PPP2R3B: variants seen among roughly 807,000 people sequenced by gnomAD.
PPP2R3B encodes serine/threonine-protein phosphatase 2A regulatory subunit B'' subunit beta.
PPP2R3B carries 68 observed loss-of-function variants against 72.9 expected under a neutral mutation model. That is an observed-to-expected ratio of 0.93 (90% CI 0.77 to 1.14). The LOEUF (loss-of-function observed/expected upper bound fraction) is 1.14, where lower values mean the gene tolerates loss of function less well. Among genes scored for constraint, PPP2R3B ranks in the 50% most tolerant of loss-of-function variants. The pLI is 0.00. For synonymous variants in PPP2R3B, 466 were observed against 375.8 expected (o/e 1.24, Z -2.78); for missense variants, 1,018 against 842.0 (o/e 1.21, Z -2.59).
chrX:346,126 A>T, intron 6 of PPP2R3B, 48 bp downstream of exon 6: 3 of 1,045,500 alleles, frequency 2.9e-6, no homozygotes, highest in Non-Finnish European at 3.7e-6. Flanking sequence ...TGGAGGTAGG[A>T]GGGGTAGGGA....
chrX:352,119 A>G (rs1013942421), intron 2 of PPP2R3B, among the ~76,000 whole-genome samples: 10 of 152,240 alleles, frequency 6.6e-5, no homozygotes, highest in African/African-American at 2.2e-4. Flanking sequence ...AAATAATCCT[A>G]AAGTAAATGG....
chrX:341,298 G>A lies in PPP2R3B; in HGVS notation c.1175+9C>T. On this transcript the variant is annotated intron_variant, in intron 9 of 12. Coordinates refer to ENST00000390665, the MANE Select transcript of PPP2R3B (RefSeq NM_013239.5). ...ACTGGGACAAACGCATGCCGCAGCAGGAACCCACCTGGTCGGTGTTTTTTT... is the reference window on the plus strand; with the variant it reads ...ACTGGGACAAACGCATGCCGCAGCAAGAACCCACCTGGTCGGTGTTTTTTT... The A allele has an allele frequency of 1.2e-6, 2 of 1,612,416 alleles. No homozygotes were observed. The highest frequency in any genetic ancestry group is 1.7e-6 in the Non-Finnish European group (2 of 1,179,680).
chrX:364,586 AGGG>A (rs1442224566), intron 1 of PPP2R3B, among the ~76,000 whole-genome samples: 24,121 of 120,936 alleles, frequency 0.2, 3,104 homozygotes, highest in East Asian at 0.37. Flanking sequence ...GGTGTGGTGG[AGGG>A]TGCCTGTACT....
chrX:342,204 C>T (rs750830118), intron 7 of PPP2R3B: 5 of 589,834 alleles, frequency 8.5e-6, no homozygotes, highest in Admixed American at 6.0e-5. Context: ...ATATTCAGGC[C>T]TCAAAGGTAC....
intron 8 of PPP2R3B, 117 bp downstream of exon 8, chrX:341,766 G>A (rs2071083560): frequency 1.4e-5 from 16 of 1,131,486 alleles, no homozygotes; most frequent in Non-Finnish European, 2.2e-5. Context: ...GCCAGGGCCT[G>A]GGGTGACAAC....
At chrX:363,225 C>CA (rs1431587295) in intron 1 of PPP2R3B, among the ~76,000 whole-genome samples, 1 of 143,386 alleles carries the variant, frequency 7.0e-6, no homozygotes, top group Non-Finnish European at 1.5e-5. Context: ...TCCCCGAGCC[C>CA]GCGATCCCAC....
intron 1 of PPP2R3B, among the ~76,000 whole-genome samples, chrX:368,925 C>CTAA (rs2071794950): frequency 1.3e-5 from 2 of 152,256 alleles, no homozygotes; most frequent in African/African-American, 4.8e-5. Flanking sequence ...ACCATGGGCA[C>CTAA]TAATAGACGA....
chrX:383,613 G>A (rs373448136), intron 1 of PPP2R3B, among the ~76,000 whole-genome samples: 26 of 151,898 alleles, frequency 1.7e-4, no homozygotes, highest in Admixed American at 3.9e-4. Flanking sequence ...CGAGGCGGGC[G>A]GATCACGAGG....
intron 4 of PPP2R3B, 61 bp from the exon 5 acceptor site, chrX:346,836 G>C: frequency 6.7e-7 from 1 of 1,491,400 alleles, no homozygotes; most frequent in Non-Finnish European, 9.2e-7. Flanking sequence ...GAGGTGTGCG[G>C]TGTGGACGCT....
intron 10 of PPP2R3B, 44 bp from the exon 11 acceptor site, chrX:338,940 A>C: frequency 2.0e-6 from 3 of 1,536,336 alleles, no homozygotes; most frequent in Non-Finnish European, 2.7e-6. Context: ...GCCCGGTCTC[A>C]CCTTCGGGGC....
chrX:338,984 GC>G (rs2070976423), intron 10 of PPP2R3B, 88 bp from the exon 11 acceptor site: 2 of 1,062,124 alleles, frequency 1.9e-6, no homozygotes, highest in Non-Finnish European at 2.9e-6. Context: ...TGTCACACGT[GC>G]TTAAGGACGC....
Position 334,000 on chromosome X carries a change from C to CTGTGG in PPP2R3B, c.*362_*366dup, listed in dbSNP as rs2070813909. 1 of 216,984 alleles carries CTGTGG rather than the reference C, an allele frequency of 4.6e-6. No homozygotes were observed. The highest frequency in any genetic ancestry group is 1.8e-4 in the South Asian group (1 of 5,626). The allele number at this position is 216,984 out of a possible 1,614,324, so 13.4% of individuals were successfully genotyped here. ...CGTTTACACAAAACATTCACACAGC[C>CTGTGG]TGTGGTGGAGGCTCCTGTCCAGGAC... On this transcript the variant is annotated 3_prime_UTR_variant, in exon 13 of 13. Transcript: ENST00000390665.
At chrX:369,204 C>T (rs1324592751) in intron 1 of PPP2R3B, among the ~76,000 whole-genome samples, 2 of 152,254 alleles carry the variant, frequency 1.3e-5, no homozygotes, top group East Asian at 3.9e-4. Flanking sequence ...AAAACAGCTG[C>T]ATGTATGTGG....
chrX:347,848 A>G (rs187870739), intron 2 of PPP2R3B, 155 bp from the exon 3 acceptor site: 3 of 590,938 alleles, frequency 5.1e-6, no homozygotes, highest in African/African-American at 1.9e-5. Context: ...TGCAAACTCA[A>G]CGTGGCTTTC....
At chrX:375,661 C>G (rs981733168) in intron 1 of PPP2R3B, among the ~76,000 whole-genome samples, 15 of 152,390 alleles carry the variant, frequency 9.8e-5, no homozygotes, top group African/African-American at 2.9e-4. Context: ...GCACTACACA[C>G]GGACGGCCTC....
intron 1 of PPP2R3B, among the ~76,000 whole-genome samples, chrX:378,753 T>G (rs2072052833): frequency 6.6e-6 from 1 of 152,048 alleles, no homozygotes; most frequent in African/African-American, 2.4e-5. Context: ...AAGAAGGGTT[T>G]TCGACACCTT....
At chrX:381,561 T>A (rs2072124596) in intron 1 of PPP2R3B, among the ~76,000 whole-genome samples, 1 of 151,758 alleles carries the variant, frequency 6.6e-6, no homozygotes, top group African/African-American at 2.4e-5. Context: ...CCTCGCGTAT[T>A]CTGTATATGG....
At chrX:376,779 C>T (rs868031581) in intron 1 of PPP2R3B, among the ~76,000 whole-genome samples, 13 of 108,964 alleles carry the variant, frequency 1.2e-4, no homozygotes, top group African/African-American at 3.0e-4. Flanking sequence ...ACGGGCCGTC[C>T]ACAGTGGGGC....
chrX:338,771 C>T lies in PPP2R3B; in HGVS notation c.1470+7G>A, dbSNP rs200405325. ...CGCGGCCCGGCCCGCGTGCCCGCCGCACTCACCCTGAGCAGGGAGATCTGC... is the reference window on the plus strand; with the variant it reads ...CGCGGCCCGGCCCGCGTGCCCGCCGTACTCACCCTGAGCAGGGAGATCTGC... On this transcript the variant is annotated splice_region_variant and intron_variant, in intron 11 of 12. Transcript: ENST00000390665. 2.8e-3 allele frequency: 4,481 copies of T among 1,612,298 alleles called. 8 individuals carry two copies. Among genetic ancestry groups the T allele is most frequent in the Non-Finnish European group, 3.4e-3 (4,045 of 1,179,592 alleles).
Sources: gnomAD v4.1 joint callset for allele counts (sites outside exome capture counted in the v4.1 genomes callset) on GRCh38, gnomAD v4.1.1 for gene constraint, MANE v1.5 for transcripts, NCBI Gene and HGNC (gene_info 2026-07-23, HGNC 2026-07-21) for gene names.